Variants in ASCC3 observed in about 807,000 individuals in gnomAD.
The protein encoded by ASCC3 is activating signal cointegrator 1 complex subunit 3.
A neutral mutation model predicts 256.3 loss-of-function variants in ASCC3; 158 were observed. The observed-to-expected ratio is 0.62, with a 90% CI of 0.54 to 0.70. The LOEUF (loss-of-function observed/expected upper bound fraction) is 0.70, where lower values mean the gene tolerates loss of function less well. Ranked by LOEUF, ASCC3 falls within the 30% of genes least tolerant of loss-of-function variation. ASCC3 has a pLI of 0.00. For synonymous variants in ASCC3, 948 were observed against 883.4 expected (o/e 1.07, Z -1.30); for missense variants, 2,259 against 2,626.0 (o/e 0.86, Z 3.05).
In ASCC3 at chr6:100,512,860, G is replaced by C. The variant is rs998057299; in HGVS notation, c.6134C>G (p.Ser2045Trp). 2 of 1,614,032 alleles carry C rather than the reference G, an allele frequency of 1.2e-6. No individual in the cohort carries two copies. Among genetic ancestry groups the C allele is most frequent in the African/African-American group, 1.3e-5 (1 of 75,016 alleles). ...VINVGISVKG[S>W]WDDLVEGHNE... ...ATGTCCTTCAACTAAGTCATCCCAC[G>C]AGCCTTTAACACTTATGCCAACATT... Residue 2045 changes from serine (S) to tryptophan (W), a missense_variant, in exon 40 of 42, where the codon TCG becomes TGG. Around this residue, in one of 2 missense-constraint regions of ASCC3, gnomAD observed 1,839 missense variants for 2,206.7 expected, o/e 0.83. Transcript: ENST00000369162.
At chr6:100,546,527 C>T (rs1775725140) in intron 36 of ASCC3, among the ~76,000 whole-genome samples, 1 of 152,016 alleles carries the variant, frequency 6.6e-6, no homozygotes, top group Non-Finnish European at 1.5e-5. Context: ...AGACAGACAA[C>T]ATTAAAAACG....
chr6:100,809,959 C>T (rs1287288332), intron 4 of ASCC3, among the ~76,000 whole-genome samples: 2 of 152,028 alleles, frequency 1.3e-5, no homozygotes, highest in African/African-American at 4.8e-5. Flanking sequence ...CCTGGTACAC[C>T]AGAAGGAAAC....
chr6:100,822,687 C>T (rs1463683275), intron 4 of ASCC3, among the ~76,000 whole-genome samples: 1 of 151,952 alleles, frequency 6.6e-6, no homozygotes, highest in African/African-American at 2.4e-5. Flanking sequence ...AACTACAATA[C>T]ATACCTACAT....
chr6:100,752,706 C>T (rs894900589), intron 10 of ASCC3, among the ~76,000 whole-genome samples: 1 of 151,936 alleles, frequency 6.6e-6, no homozygotes, highest in Non-Finnish European at 1.5e-5. Flanking sequence ...AAAATTTATG[C>T]CCCCCAAAAC....
intron 4 of ASCC3, among the ~76,000 whole-genome samples, chr6:100,806,116 C>T (rs543163973): frequency 3.3e-5 from 5 of 152,014 alleles, no homozygotes; most frequent in East Asian, 3.9e-4. Flanking sequence ...TTAAAAATTA[C>T]GATTTGAATA....
rs532597141 is a variant in ASCC3 at position 100,557,709 on chromosome 6, G to A, written c.5551-17322C>T. ...AGAGGAAGATTGCCAGAGGATGGGA[G>A]GGGTAGGGTGGGTGGGGGGTAAGGA... On this transcript the variant is annotated intron_variant, in intron 36 of 41. Transcript: ENST00000369162. Among the ~76,000 whole-genome samples, 68 of 150,756 alleles carry A rather than the reference G, an allele frequency of 4.5e-4. 1 individual carries two copies. The highest frequency in any genetic ancestry group is 1.6e-3 in the African/African-American group (64 of 41,046).
chr6:100,578,765 T>A (rs908177885), intron 36 of ASCC3, among the ~76,000 whole-genome samples: 1 of 152,158 alleles, frequency 6.6e-6, no homozygotes, highest in Non-Finnish European at 1.5e-5. Flanking sequence ...CAATTTTTAT[T>A]CCTTTGGGTA....
intron 3 of ASCC3, among the ~76,000 whole-genome samples, chr6:100,849,478 C>A: frequency 6.6e-6 from 1 of 152,012 alleles, no homozygotes; most frequent in South Asian, 2.1e-4. Flanking sequence ...GCAAGAAATA[C>A]TTCTATAGTT....
At position 100,766,906 on chromosome 6, in the gene ASCC3, A is replaced by C. The variant is rs75777550; in HGVS notation, c.1597-201T>G. On this transcript the variant is annotated intron_variant, in intron 9 of 41. Coordinates refer to ENST00000369162, the MANE Select transcript of ASCC3 (RefSeq NM_006828.4). ...TTAAAGGACAATAGAATTTGTTTAC[A>C]CAGCTACATCACTTTGAAAATTGTA... is the stretch of plus-strand genomic sequence containing the variant. 0.014 allele frequency among the ~76,000 whole-genome samples: 2,084 copies of C among 152,358 alleles called. 20 individuals are homozygous for C. The highest frequency in any genetic ancestry group is 0.045 in the East Asian group (231 of 5,184).
At chr6:100,719,537 T>C (rs908063694) in intron 11 of ASCC3, among the ~76,000 whole-genome samples, 1 of 152,078 alleles carries the variant, frequency 6.6e-6, no homozygotes, top group Admixed American at 6.6e-5. Context: ...ACCAGACATT[T>C]TTCTGCTAAA....
At chr6:100,685,011 A>T (rs913533028) in intron 13 of ASCC3, among the ~76,000 whole-genome samples, 1 of 151,758 alleles carries the variant, frequency 6.6e-6, no homozygotes, top group African/African-American at 2.4e-5. Flanking sequence ...GTTTCACCGT[A>T]TTAGCCAGGA....
chr6:100,608,807 A>G (rs1319063444), intron 30 of ASCC3, among the ~76,000 whole-genome samples: 1 of 114,362 alleles, frequency 8.7e-6, no homozygotes, highest in Non-Finnish European at 1.7e-5. Context: ...TACGTTGCCC[A>G]GGTTGGAGTG....
intron 30 of ASCC3, among the ~76,000 whole-genome samples, chr6:100,615,076 C>T (rs947869027): frequency 6.6e-6 from 1 of 151,660 alleles, no homozygotes; most frequent in South Asian, 2.1e-4. Context: ...AGTGCAGTGG[C>T]GTGATTTTGG....
intron 22 of ASCC3, among the ~76,000 whole-genome samples, chr6:100,644,512 G>A (rs182298498): frequency 6.6e-6 from 1 of 152,096 alleles, no homozygotes; most frequent in East Asian, 1.9e-4. Flanking sequence ...ATGCATCAAT[G>A]CTTTCATTCC....
rs759558462 is a variant in ASCC3, at chr6:100,647,248, T to C, written c.3456A>G (p.Lys1152=). 9.9e-6 allele frequency: 16 copies of C among 1,612,666 alleles called. No individual in the cohort carries two copies. Among genetic ancestry groups the C allele is most frequent in the Non-Finnish European group, 2.5e-6 (3 of 1,178,702 alleles). The change falls in exon 21 of 42, where the codon AAA becomes AAG. Residue 1152 remains lysine (K), a synonymous_variant. Coordinates refer to ENST00000369162, the MANE Select transcript of ASCC3 (RefSeq NM_006828.4). ...EEKKLTVDKL[K]DMRKDEIGHI... is the part of the protein sequence containing the mutation. The stretch of plus-strand genomic sequence containing the variant: ...TACCTATTTCATCTTTCCTCATGTC[T>C]TTCAGCTTATCCACAGTAAGCTTTT...
intron 13 of ASCC3, among the ~76,000 whole-genome samples, chr6:100,682,890 G>A (rs1419377650): frequency 6.6e-6 from 1 of 152,232 alleles, no homozygotes; most frequent in East Asian, 1.9e-4. Flanking sequence ...CACTGCTGCT[G>A]CTTGTTAAAA....
At chr6:100,709,888 A>AT (rs1298066572) in intron 13 of ASCC3, among the ~76,000 whole-genome samples, 1 of 152,206 alleles carries the variant, frequency 6.6e-6, no homozygotes, top group African/African-American at 2.4e-5. Context: ...TAATATTGTC[A>AT]TTTTATTTTT....
intron 4 of ASCC3, among the ~76,000 whole-genome samples, chr6:100,840,430 C>G (rs1165324396): frequency 6.6e-6 from 1 of 150,954 alleles, no homozygotes; most frequent in African/African-American, 2.4e-5. Flanking sequence ...CAGGCTCAAG[C>G]AATCCTCCCA....
At chr6:100,521,692 C>G (rs938183444) in intron 37 of ASCC3, among the ~76,000 whole-genome samples, 13 of 152,184 alleles carry the variant, frequency 8.5e-5, no homozygotes, top group African/African-American at 3.1e-4. Context: ...CAGCTCAGGC[C>G]AAACTGGAGG....
Sources: allele counts gnomAD v4.1 joint callset (sites outside exome capture counted in the v4.1 genomes callset), GRCh38; gene constraint gnomAD v4.1.1; regional missense constraint gnomAD v4.1.1; transcripts MANE v1.5; gene names NCBI Gene and HGNC (gene_info 2026-07-23, HGNC 2026-07-21).